The following SNTB2 variants were observed in gnomAD, a reference collection of about 807,000 sequenced individuals.
SNTB2 encodes syntrophin beta 2, also known as beta-2-syntrophin.
Under a neutral mutation model 46.2 loss-of-function variants are expected in SNTB2, and 34 were observed. The observed-to-expected ratio is 0.74, with a 90% CI of 0.56 to 0.98. SNTB2 has a LOEUF of 0.98. Ranked by LOEUF, SNTB2 falls within the 50% of genes least tolerant of loss-of-function variation. The pLI, the probability that SNTB2 is intolerant of heterozygous loss-of-function variation, is 0.00. For missense variants in SNTB2, 603 were observed against 731.4 expected, an observed-to-expected ratio of 0.82 and a Z score of 2.02; for synonymous variants, 290 against 312.6, an observed-to-expected ratio of 0.93 and a Z score of 0.76.
intron 3 of SNTB2, among the ~76,000 whole-genome samples, chr16:69,265,656 G>C (rs376660780): frequency 4.6e-5 from 7 of 150,786 alleles, no homozygotes; most frequent in Admixed American, 6.6e-5. Flanking sequence ...GTGAAACCCC[G>C]TCTCTACTAA....
At chr16:69,268,470 C>T (rs1473871519) in intron 3 of SNTB2, among the ~76,000 whole-genome samples, 1 of 150,798 alleles carries the variant, frequency 6.6e-6, no homozygotes, top group African/African-American at 2.4e-5. Context: ...TCTAAAAACA[C>T]AATAATAATA....
At chr16:69,268,991 G>A (rs1434165881) in intron 3 of SNTB2, among the ~76,000 whole-genome samples, 2 of 151,386 alleles carry the variant, frequency 1.3e-5, no homozygotes, top group South Asian at 2.1e-4. Flanking sequence ...CCAACATGGA[G>A]AAACCTCGTC....
At chr16:69,292,435 T>TA (rs1291261454) in intron 5 of SNTB2, among the ~76,000 whole-genome samples, 587 of 10,486 alleles carry the variant, frequency 0.056, 107 homozygotes, top group Middle Eastern at 0.12. Flanking sequence ...TATATATATA[T>TA]TATATATATA....
At chr16:69,214,074 C>T (rs867488500) in intron 1 of SNTB2, among the ~76,000 whole-genome samples, 7 of 149,954 alleles carry the variant, frequency 4.7e-5, no homozygotes, top group Non-Finnish European at 5.9e-5. Context: ...CCACCCGCCT[C>T]GGCCTCCCAA....
chr16:69,210,635 C>G (rs763390327), intron 1 of SNTB2, among the ~76,000 whole-genome samples: 1 of 151,980 alleles, frequency 6.6e-6, no homozygotes, highest in Admixed American at 6.6e-5. Context: ...GATCCTCCCA[C>G]CTCAGCCTCC....
chr16:69,193,309 T>C (rs1964072010), intron 1 of SNTB2, among the ~76,000 whole-genome samples: 1 of 147,130 alleles, frequency 6.8e-6, no homozygotes. Context: ...GAGACTCAGA[T>C]GGTATAGACT....
chr16:69,297,617 A>C, intron 5 of SNTB2, among the ~76,000 whole-genome samples: 1 of 77,746 alleles, frequency 1.3e-5, no homozygotes, highest in African/African-American at 6.7e-5. Flanking sequence ...CTCTGTCTCC[A>C]AAAAAAAAAA....
intron 5 of SNTB2, among the ~76,000 whole-genome samples, chr16:69,294,909 C>T (rs1244827499): frequency 6.6e-6 from 1 of 151,792 alleles, no homozygotes; most frequent in African/African-American, 2.4e-5. Context: ...ACTTCTGCCT[C>T]CCAAGTTCAA....
rs779083754 is a variant in SNTB2 at position 69,307,894 on chromosome 16, A to G, written c.*6970A>G. ...TTGGACTCAATGAAAAGGGCACCTA[A>G]AGAAAATAAGGCTGACTGAATGTTT... On this transcript the variant is annotated 3_prime_UTR_variant, in exon 7 of 7. Transcript: ENST00000336278. The G allele has an allele frequency of 1.3e-5, 2 of 152,238 alleles. No individual in the cohort carries two copies. Among genetic ancestry groups the G allele is most frequent in the Non-Finnish European group, 2.9e-5 (2 of 68,038 alleles). The allele number at this position is 152,238 out of a possible 1,614,324, so 9.4% of individuals were successfully genotyped here. A position where few individuals can be genotyped will look rare whatever the true frequency, so the allele number is the denominator to read the frequency against.
At chr16:69,248,561 G>C (rs993640248) in intron 2 of SNTB2, among the ~76,000 whole-genome samples, 5 of 152,164 alleles carry the variant, frequency 3.3e-5, no homozygotes, top group Non-Finnish European at 7.3e-5. Context: ...GAACCTGGGA[G>C]GCAGAGGTTG....
chr16:69,276,487 C>CA lies in SNTB2; in HGVS notation c.1148+6205dup, dbSNP rs1169124369. On this transcript the variant is annotated intron_variant, in intron 4 of 6. Coordinates refer to ENST00000336278, the MANE Select transcript of SNTB2 (RefSeq NM_006750.4). ...TAATGTCTGTTTTGGGATTAGCATT[C>CA]AAACTGAATATGATAGAATATCTAT... Among the ~76,000 whole-genome samples, 4 of 152,320 alleles carry CA rather than the reference C, an allele frequency of 2.6e-5. No individual in the cohort carries two copies. In the East Asian group the frequency reaches 7.7e-4, roughly 29 times the overall value.
chr16:69,202,823 G>A lies in SNTB2; in HGVS notation c.580+15077G>A, dbSNP rs370299985. On this transcript the variant is annotated intron_variant, in intron 1 of 6. Transcript: ENST00000336278. The stretch of plus-strand genomic sequence containing the variant: ...CCTCCTGGCCTCAAGTGATCTGCCC[G>A]CCTCAGCCTCCCAAAGTATTGGGAT... 9.2e-4 allele frequency among the ~76,000 whole-genome samples: 140 copies of A among 151,486 alleles called. 1 individual carries two copies. The highest frequency in any genetic ancestry group is 1.6e-3 in the East Asian group (8 of 5,080).
At chr16:69,206,032 G>A (rs140744397) in intron 1 of SNTB2, among the ~76,000 whole-genome samples, 4 of 152,250 alleles carry the variant, frequency 2.6e-5, no homozygotes, top group African/African-American at 7.2e-5. Flanking sequence ...GCCTTGCTCT[G>A]TCTACCCTGG....
intron 1 of SNTB2, among the ~76,000 whole-genome samples, chr16:69,192,369 G>C (rs1964063486): frequency 1.3e-5 from 2 of 152,214 alleles, no homozygotes; most frequent in African/African-American, 4.8e-5. Context: ...CCAAAAATTT[G>C]ATACTTACAG....
At chr16:69,287,993 T>C (rs1258070527) in intron 5 of SNTB2, among the ~76,000 whole-genome samples, 1 of 151,166 alleles carries the variant, frequency 6.6e-6, no homozygotes, top group Admixed American at 6.6e-5. Context: ...CTGGGCAACA[T>C]GGTGAAACCT....
chr16:69,229,697 C>A (rs1964488711), intron 1 of SNTB2, among the ~76,000 whole-genome samples: 1 of 151,142 alleles, frequency 6.6e-6, no homozygotes. Context: ...CAAAAATTAT[C>A]TGGGCATAGT....
At chr16:69,232,536 G>A (rs1964517807) in intron 1 of SNTB2, among the ~76,000 whole-genome samples, 1 of 96,924 alleles carries the variant, frequency 1.0e-5, no homozygotes, top group African/African-American at 4.0e-5. Context: ...TTTTGGAGAC[G>A]GAGTCTCGCT....
intron 4 of SNTB2, among the ~76,000 whole-genome samples, chr16:69,282,304 T>C (rs921888284): frequency 7.3e-6 from 1 of 136,406 alleles, no homozygotes; most frequent in Non-Finnish European, 1.6e-5. Flanking sequence ...CTACTAAAAA[T>C]ACAAAAAAAA....
chr16:69,264,837 A>G (rs1172830259), intron 3 of SNTB2, among the ~76,000 whole-genome samples: 1 of 152,212 alleles, frequency 6.6e-6, no homozygotes, highest in Non-Finnish European at 1.5e-5. Flanking sequence ...AGAAGAAAAG[A>G]AGAAAAAAAG....
Sources: allele counts gnomAD v4.1 joint callset (sites outside exome capture counted in the v4.1 genomes callset), GRCh38; gene constraint gnomAD v4.1.1; transcripts MANE v1.5; gene names NCBI Gene and HGNC (gene_info 2026-07-23, HGNC 2026-07-21).